Variants in CTNNA3 observed in about 807,000 individuals in gnomAD.
CTNNA3 encodes catenin alpha-3.
Under a neutral mutation model 95.7 loss-of-function variants are expected in CTNNA3, and 76 were observed. The ratio of observed to expected loss-of-function variants is 0.79; its 90% CI spans 0.66 to 0.96. The LOEUF is 0.96. Among genes scored for constraint, CTNNA3 ranks in the 40% least tolerant of loss-of-function variants. The pLI is 0.00. For missense variants in CTNNA3, 1,191 were observed against 1,089.8 expected (o/e 1.09, Z -1.31); for synonymous variants, 431 against 374.4 (o/e 1.15, Z -1.74).
chr10:66,863,794 C>A (rs1460763647), intron 7 of CTNNA3, among the ~76,000 whole-genome samples: 1 of 152,074 alleles, frequency 6.6e-6, no homozygotes, highest in Non-Finnish European at 1.5e-5. Flanking sequence ...AATTGTGTCA[C>A]TAGGAGGAGA....
chr10:67,663,048 G>T (rs1048270992), intron 1 of CTNNA3, among the ~76,000 whole-genome samples: 3 of 151,890 alleles, frequency 2.0e-5, no homozygotes, highest in Non-Finnish European at 4.4e-5. Context: ...TCACTTTTTC[G>T]AAGTGTCTTG....
intron 13 of CTNNA3, among the ~76,000 whole-genome samples, chr10:66,182,316 C>A (rs934404211): frequency 1.4e-5 from 2 of 148,020 alleles, no homozygotes; most frequent in Non-Finnish European, 3.0e-5. Flanking sequence ...AGTGCAGTGG[C>A]GCGATCTTGG....
intron 15 of CTNNA3, among the ~76,000 whole-genome samples, chr10:66,042,075 C>T (rs1321120228): frequency 2.0e-5 from 3 of 152,122 alleles, no homozygotes; most frequent in Admixed American, 2.0e-4. Context: ...CCATGACATG[C>T]TATTTTGTAT....
intron 7 of CTNNA3, among the ~76,000 whole-genome samples, chr10:66,896,739 G>A (rs1336131372): frequency 1.3e-5 from 2 of 152,130 alleles, no homozygotes; most frequent in Non-Finnish European, 2.9e-5. Flanking sequence ...TAGCGTCCAT[G>A]CTCTCATTTC....
At chr10:66,165,558 C>A (rs1368027579) in intron 13 of CTNNA3, among the ~76,000 whole-genome samples, 1 of 151,816 alleles carries the variant, frequency 6.6e-6, no homozygotes, top group East Asian at 1.9e-4. Context: ...TTCTAAAAAC[C>A]CAATGAGTCC....
intron 15 of CTNNA3, among the ~76,000 whole-genome samples, chr10:66,043,669 TGAC>T (rs2079756286): frequency 6.6e-6 from 1 of 152,154 alleles, no homozygotes; most frequent in South Asian, 2.1e-4. Context: ...TTATGTGATA[TGAC>T]TCAACTTGAC....
At chr10:67,096,977 G>GAA (rs1480137931) in intron 7 of CTNNA3, among the ~76,000 whole-genome samples, 3 of 151,898 alleles carry the variant, frequency 2.0e-5, no homozygotes, top group Admixed American at 6.6e-5. Flanking sequence ...AGAATAGCCA[G>GAA]AATGGCTTGT....
chr10:67,140,192 T>C (rs7074325), intron 7 of CTNNA3, among the ~76,000 whole-genome samples: 33,422 of 152,088 alleles, frequency 0.22, 4,379 homozygotes, highest in African/African-American at 0.36. Flanking sequence ...GAAATAGCCA[T>C]AAAAAGAAAA....
At position 67,305,726 on chromosome 10, in the gene CTNNA3, G is replaced by C. The variant is rs531950158; in HGVS notation, c.580-85856C>G. 7.8e-4 allele frequency among the ~76,000 whole-genome samples: 119 copies of C among 152,306 alleles called. 1 individual carries two copies. The highest frequency in any genetic ancestry group is 1.4e-3 in the Non-Finnish European group (92 of 68,024). On this transcript the variant is annotated intron_variant, in intron 5 of 17. Transcript: ENST00000433211. ...CACTAGAGTGGTAGATGTGAAAGTGGAGGGAAGTAGCTTCATTTGAGAGAT... is the reference window on the plus strand; with the variant it reads ...CACTAGAGTGGTAGATGTGAAAGTGCAGGGAAGTAGCTTCATTTGAGAGAT...
At chr10:66,801,629 T>G (rs1214615279) in intron 7 of CTNNA3, among the ~76,000 whole-genome samples, 9 of 151,418 alleles carry the variant, frequency 5.9e-5, no homozygotes, top group Non-Finnish European at 4.4e-5. Context: ...TAGATCCCTA[T>G]GCCCTATGCA....
At chr10:66,896,105 TATAAAATAAA>T (rs761013061) in intron 7 of CTNNA3, among the ~76,000 whole-genome samples, 1 of 151,630 alleles carries the variant, frequency 6.6e-6, no homozygotes, top group East Asian at 1.9e-4. Flanking sequence ...CTCAAAAAAA[TATAAAATAAA>T]ATAAAATAAA....
chr10:66,319,358 AAT>A (rs889948289), intron 12 of CTNNA3, among the ~76,000 whole-genome samples: 1 of 151,888 alleles, frequency 6.6e-6, no homozygotes, highest in African/African-American at 2.4e-5. Flanking sequence ...TGAGGGAAGC[AAT>A]ATGCCCAGTT....
intron 9 of CTNNA3, among the ~76,000 whole-genome samples, chr10:66,640,735 T>C (rs373335940): frequency 6.6e-6 from 1 of 152,098 alleles, no homozygotes; most frequent in Non-Finnish European, 1.5e-5. Flanking sequence ...CAGGGAAGAA[T>C]TTTTCCCCCC....
At chr10:66,630,464 C>T (rs10740242) in intron 9 of CTNNA3, among the ~76,000 whole-genome samples, 56,709 of 151,892 alleles carry the variant, frequency 0.37, 10,775 homozygotes, top group Middle Eastern at 0.51. Context: ...TATGGAACTA[C>T]TGAATAGGTC....
intron 3 of CTNNA3, among the ~76,000 whole-genome samples, chr10:67,575,482 G>C (rs1417819851): frequency 2.0e-5 from 3 of 151,962 alleles, no homozygotes; most frequent in African/African-American, 4.8e-5. Context: ...ATTATGTTGT[G>C]AAAAAAAGCC....
Position 67,154,186 on chromosome 10 carries a change from G to A in CTNNA3, c.1047+26131C>T, listed in dbSNP as rs115887963. 5.4e-3 allele frequency among the ~76,000 whole-genome samples: 821 copies of A among 152,026 alleles called. 8 individuals are homozygous for A. Among genetic ancestry groups the A allele is most frequent in the African/African-American group, 0.017 (724 of 41,464 alleles). ...TTTAGGAATGTTTTATAACTTTTAC[G>A]ATAAGAGTAAAATGTTAGCATGTAA... On this transcript the variant is annotated intron_variant, in intron 7 of 17. Transcript: ENST00000433211.
intron 10 of CTNNA3, among the ~76,000 whole-genome samples, chr10:66,606,232 A>G (rs1844117496): frequency 6.6e-6 from 1 of 152,192 alleles, no homozygotes; most frequent in Non-Finnish European, 1.5e-5. Flanking sequence ...ACTATCCTGA[A>G]TATATATGCA....
At chr10:67,533,180 C>T (rs1043966654) in intron 4 of CTNNA3, among the ~76,000 whole-genome samples, 12 of 152,168 alleles carry the variant, frequency 7.9e-5, no homozygotes, top group African/African-American at 2.6e-4. Context: ...AAAAATTAGC[C>T]TGGCATGGTG....
At chr10:66,466,634 A>C (rs1838929001) in intron 11 of CTNNA3, among the ~76,000 whole-genome samples, 1 of 151,494 alleles carries the variant, frequency 6.6e-6, no homozygotes, top group Non-Finnish European at 1.5e-5. Context: ...TTCCCCAGCA[A>C]GAGCACACTC....
Sources: gnomAD v4.1 joint callset for allele counts (sites outside exome capture counted in the v4.1 genomes callset) on GRCh38, gnomAD v4.1.1 for gene constraint, MANE v1.5 for transcripts, NCBI Gene and HGNC (gene_info 2026-07-23, HGNC 2026-07-21) for gene names.